Variants in ESRRG observed in about 807,000 individuals in gnomAD.
ESRRG encodes estrogen-related receptor gamma.
ESRRG carries 13 observed loss-of-function variants against 44.0 expected under a neutral mutation model. The ratio of observed to expected loss-of-function variants is 0.30; its 90% CI spans 0.19 to 0.47. ESRRG has a LOEUF of 0.47. Ranked by LOEUF, ESRRG falls within the 20% of genes least tolerant of loss-of-function variation. The pLI, the probability that ESRRG is intolerant of heterozygous loss-of-function variation, is 1.00. For synonymous variants in ESRRG, 215 were observed against 214.6 expected (o/e 1.00, Z -0.02); for missense variants, 395 against 580.6 (o/e 0.68, Z 3.29).
At chr1:216,665,474 G>C (rs929851872) in intron 2 of ESRRG, among the ~76,000 whole-genome samples, 1 of 152,134 alleles carries the variant, frequency 6.6e-6, no homozygotes, top group Non-Finnish European at 1.5e-5. Flanking sequence ...TCCACTTATA[G>C]GAGATATCTA....
chr1:216,894,141 G>C (rs2058137622), intron 2 of ESRRG, among the ~76,000 whole-genome samples: 1 of 152,216 alleles, frequency 6.6e-6, no homozygotes, highest in African/African-American at 2.4e-5. Context: ...TTGCCAAATT[G>C]AGTATTCTGC....
At chr1:216,947,295 C>G (rs1264956320) in intron 1 of ESRRG, among the ~76,000 whole-genome samples, 4 of 152,070 alleles carry the variant, frequency 2.6e-5, no homozygotes, top group Non-Finnish European at 1.5e-5. Context: ...CAGATGGGTA[C>G]CCTTGACTCA....
intron 1 of ESRRG, among the ~76,000 whole-genome samples, chr1:217,117,647 G>A (rs1171335479): frequency 6.6e-6 from 1 of 151,764 alleles, no homozygotes; most frequent in Non-Finnish European, 1.5e-5. Flanking sequence ...ATCAAATAAA[G>A]TTATTATGGA....
intron 2 of ESRRG, among the ~76,000 whole-genome samples, chr1:216,754,175 CAAATATTCTG>C (rs2092296168): frequency 2.6e-5 from 4 of 151,948 alleles, no homozygotes. Flanking sequence ...TTCTTCCTTC[CAAATATTCTG>C]AAATATAAGA....
chr1:216,799,414 T>A (rs543820229), intron 2 of ESRRG, among the ~76,000 whole-genome samples: 1 of 151,980 alleles, frequency 6.6e-6, no homozygotes, highest in African/African-American at 2.4e-5. Context: ...ATTTAAATGA[T>A]GATTTTGATT....
chr1:216,932,505 T>C (rs963472229), intron 2 of ESRRG, among the ~76,000 whole-genome samples: 2 of 152,070 alleles, frequency 1.3e-5, no homozygotes, highest in Non-Finnish European at 1.5e-5. Context: ...GTAACTAGGA[T>C]TTGCGTCCTC....
intron 1 of ESRRG, among the ~76,000 whole-genome samples, chr1:217,134,073 G>A (rs10158463): frequency 0.12 from 18,349 of 152,072 alleles, 1,172 homozygotes; most frequent in Non-Finnish European, 0.14. Context: ...TGAGAATCTG[G>A]GCAGCTCCGG....
chr1:216,652,052 C>A (rs773142991), intron 2 of ESRRG, among the ~76,000 whole-genome samples: 8 of 152,094 alleles, frequency 5.3e-5, no homozygotes, highest in Non-Finnish European at 1.0e-4. Flanking sequence ...ACTTCCTAAC[C>A]CTTTCCCCTT....
At chr1:216,964,815 A>T (rs563908760) in intron 1 of ESRRG, among the ~76,000 whole-genome samples, 1 of 152,252 alleles carries the variant, frequency 6.6e-6, no homozygotes, top group Non-Finnish European at 1.5e-5. Flanking sequence ...GGGAAGATAT[A>T]ACGTTATTTT....
Position 216,605,479 on chromosome 1 carries a change from T to C in ESRRG, c.590-37381A>G, listed in dbSNP as rs374493631. Among the ~76,000 whole-genome samples, 39 of 152,278 alleles carry C rather than the reference T, an allele frequency of 2.6e-4. 1 individual carries two copies. The East Asian group carries it at 6.4e-3, about 25-fold the overall frequency. On this transcript the variant is annotated intron_variant, in intron 3 of 6. Coordinates refer to ENST00000408911, the MANE Select transcript of ESRRG (RefSeq NM_001438.4). ...TTAGAAAAGGGTATGAGAATGTCTC[T>C]CAGGAATGAGAATAGCATCAACATC...
chr1:216,577,730 G>T (rs189487607), intron 3 of ESRRG, among the ~76,000 whole-genome samples: 1 of 152,076 alleles, frequency 6.6e-6, no homozygotes, highest in African/African-American at 2.4e-5. Context: ...ATATAGTAGA[G>T]TCTAATGATC....
At chr1:216,910,608 T>C (rs2060194101) in intron 2 of ESRRG, among the ~76,000 whole-genome samples, 1 of 152,186 alleles carries the variant, frequency 6.6e-6, no homozygotes, top group South Asian at 2.1e-4. Flanking sequence ...TTCTAATAAA[T>C]AGGACACTAT....
chr1:216,754,510 C>G (rs1019703698), intron 2 of ESRRG, among the ~76,000 whole-genome samples: 2 of 151,904 alleles, frequency 1.3e-5, no homozygotes, highest in African/African-American at 4.8e-5. Flanking sequence ...TTCAGATTTA[C>G]CAGCAACTGT....
At chr1:216,926,687 A>G (rs1039301749) in intron 2 of ESRRG, among the ~76,000 whole-genome samples, 2 of 152,242 alleles carry the variant, frequency 1.3e-5, no homozygotes, top group South Asian at 2.1e-4. Context: ...AAAAAAAAGT[A>G]TAATGTTTCA....
At position 216,552,375 on chromosome 1, in the gene ESRRG, C is replaced by A. The variant is rs565304534; in HGVS notation, c.862+11844G>T. ...AGCATTAATAGACCTGAGTTTTAGT[C>A]TCAACTCTGTCTCTGACTAGCTTGT... On this transcript the variant is annotated intron_variant, in intron 5 of 6. Coordinates refer to ENST00000408911, the MANE Select transcript of ESRRG (RefSeq NM_001438.4). Among the ~76,000 whole-genome samples the A allele has an allele frequency of 7.2e-5, 11 of 152,234 alleles. No individual in the cohort carries two copies. In the South Asian group the frequency reaches 2.3e-3, roughly 32 times the overall value.
At chr1:216,817,940 A>T (rs918391727) in intron 2 of ESRRG, among the ~76,000 whole-genome samples, 1 of 151,816 alleles carries the variant, frequency 6.6e-6, no homozygotes, top group Admixed American at 6.6e-5. Context: ...TTTTTTTAAC[A>T]ATGCATATGA....
intron 2 of ESRRG, among the ~76,000 whole-genome samples, chr1:216,840,905 A>G (rs1322379962): frequency 6.6e-6 from 1 of 152,214 alleles, no homozygotes; most frequent in Admixed American, 6.5e-5. Context: ...TCACCATACA[A>G]GATATAATAA....
chr1:216,670,714 G>C (rs2075003913), intron 2 of ESRRG, among the ~76,000 whole-genome samples: 1 of 152,122 alleles, frequency 6.6e-6, no homozygotes, highest in African/African-American at 2.4e-5. Context: ...TTAGACCTGG[G>C]CGTGGTCAAG....
chr1:217,058,833 G>A (rs2087713194), intron 1 of ESRRG, among the ~76,000 whole-genome samples: 1 of 150,628 alleles, frequency 6.6e-6, no homozygotes, highest in South Asian at 2.1e-4. Flanking sequence ...ATTTGAATTG[G>A]AGTACTAATA....
Sources: allele counts gnomAD v4.1 joint callset (sites outside exome capture counted in the v4.1 genomes callset), GRCh38; gene constraint gnomAD v4.1.1; transcripts MANE v1.5; gene names NCBI Gene and HGNC (gene_info 2026-07-23, HGNC 2026-07-21).